COBLL1: variants seen among roughly 807,000 people sequenced by gnomAD.
The protein encoded by COBLL1 is cordon-bleu WH2 repeat protein like 1.
A neutral mutation model predicts 94.8 loss-of-function variants in COBLL1; 50 were observed. The observed-to-expected ratio is 0.53, with a 90% CI of 0.42 to 0.67. The LOEUF is 0.67. Among genes scored for constraint, COBLL1 ranks in the 30% least tolerant of loss-of-function variants. COBLL1 has a pLI of 0.00. For missense variants in COBLL1, 1,362 were observed against 1,348.7 expected (o/e 1.01, Z -0.15); for synonymous variants, 448 against 473.8 (o/e 0.95, Z 0.71).
intron 2 of COBLL1, among the ~76,000 whole-genome samples, chr2:164,755,182 T>A (rs1049250607): frequency 3.6e-4 from 55 of 152,088 alleles, no homozygotes; most frequent in African/African-American, 1.1e-3. Flanking sequence ...TATATGAAAA[T>A]TTTTTTAAAT....
At chr2:164,816,350 T>G (rs1374649663) in intron 2 of COBLL1, among the ~76,000 whole-genome samples, 1 of 151,980 alleles carries the variant, frequency 6.6e-6, no homozygotes, top group Non-Finnish European at 1.5e-5. Flanking sequence ...AAGGACAGTG[T>G]GAGAGATAAG....
chr2:164,789,008 A>C (rs187586313), intron 2 of COBLL1, among the ~76,000 whole-genome samples: 334 of 131,668 alleles, frequency 2.5e-3, no homozygotes, highest in Non-Finnish European at 5.0e-3. Flanking sequence ...TACCTGTAGG[A>C]GTAGAGGTTT....
At chr2:164,664,254 T>C (rs1691116851) in intron 2 of COBLL1, among the ~76,000 whole-genome samples, 1 of 152,232 alleles carries the variant, frequency 6.6e-6, no homozygotes, top group African/African-American at 2.4e-5. Flanking sequence ...CACTAACATG[T>C]CATCTATGAA....
At chr2:164,776,612 C>T (rs1417239606) in intron 2 of COBLL1, among the ~76,000 whole-genome samples, 2 of 151,896 alleles carry the variant, frequency 1.3e-5, no homozygotes, top group African/African-American at 2.4e-5. Context: ...CCCCGCCCAC[C>T]GCCAACCTGG....
At chr2:164,675,206 T>C (rs1691316975), downstream of COBLL1, among the ~76,000 whole-genome samples, 1 of 152,192 alleles carries the variant, frequency 6.6e-6, no homozygotes, top group Non-Finnish European at 1.5e-5. Context: ...ACAGATGGCA[T>C]TGACAGACTG....
chr2:164,706,269 T>G (rs1172164406), intron 7 of COBLL1, among the ~76,000 whole-genome samples: 7 of 152,110 alleles, frequency 4.6e-5, no homozygotes, highest in African/African-American at 1.4e-4. Context: ...AAATACATTA[T>G]TTTTCTTCCA....
intron 2 of COBLL1, among the ~76,000 whole-genome samples, chr2:164,840,357 C>T (rs1047959595): frequency 6.6e-6 from 1 of 152,108 alleles, no homozygotes. Context: ...ATCCAGGTTA[C>T]TCCTGAACTA....
At chr2:164,798,734 A>G (rs1327621884) in intron 2 of COBLL1, among the ~76,000 whole-genome samples, 3 of 152,164 alleles carry the variant, frequency 2.0e-5, no homozygotes, top group African/African-American at 4.8e-5. Context: ...AGAGGGGGTA[A>G]GCAGGCTGGG....
intron 5 of COBLL1, chr2:164,725,103 T>G (rs1211955729): frequency 3.7e-5 from 3 of 81,786 alleles, no homozygotes; most frequent in Non-Finnish European, 6.8e-5. Flanking sequence ...CCCTGCAGGA[T>G]ATATATATAT....
chr2:164,824,140 G>A lies in COBLL1; in HGVS notation c.41+17016C>T, dbSNP rs187219867. Among the ~76,000 whole-genome samples, 416 of 152,280 alleles carry A rather than the reference G, an allele frequency of 2.7e-3. 3 individuals carry two copies. Among genetic ancestry groups the A allele is most frequent in the African/African-American group, 9.6e-3 (397 of 41,562 alleles). On this transcript the variant is annotated intron_variant, in intron 2 of 13. Coordinates refer to ENST00000652658, the MANE Select transcript of COBLL1 (RefSeq NM_001365672.2). ...CTCATGCCTGTAATCCCAGCACTTTGGGAGGCCAAGGCTGGTGGATCACCT... is the reference window on the plus strand; with the variant it reads ...CTCATGCCTGTAATCCCAGCACTTTAGGAGGCCAAGGCTGGTGGATCACCT...
At chr2:164,793,327 A>C (rs1683285154) in intron 2 of COBLL1, among the ~76,000 whole-genome samples, 1 of 152,114 alleles carries the variant, frequency 6.6e-6, no homozygotes, top group African/African-American at 2.4e-5. Context: ...GCAAAAAAAA[A>C]AAACAAAAGT....
chr2:164,661,581 G>A (rs1691070890), intron 2 of COBLL1, among the ~76,000 whole-genome samples: 2 of 152,086 alleles, frequency 1.3e-5, no homozygotes, highest in South Asian at 4.1e-4. Context: ...ATGTTCCACT[G>A]TTGATTCATG....
intron 2 of COBLL1, among the ~76,000 whole-genome samples, chr2:164,771,614 A>C (rs1383366075): frequency 6.6e-6 from 1 of 152,034 alleles, no homozygotes; most frequent in Non-Finnish European, 1.5e-5. Context: ...AAAAACAAAA[A>C]TGGGTCAGTA....
chr2:164,805,361 A>ATATAT (rs1456462448), intron 2 of COBLL1, among the ~76,000 whole-genome samples: 4 of 119,562 alleles, frequency 3.3e-5, no homozygotes, highest in Admixed American at 2.9e-4. Flanking sequence ...ATATATATAT[A>ATATAT]TAAAACTAAA....
chr2:164,704,376 A>T, intron 9 of COBLL1, 68 bp downstream of exon 9: 2 of 896,696 alleles, frequency 2.2e-6, no homozygotes, highest in Non-Finnish European at 3.7e-6. Flanking sequence ...TCGCAAATGG[A>T]CTCATTTCTC....
intron 2 of COBLL1, among the ~76,000 whole-genome samples, chr2:164,786,420 A>G (rs1688958498): frequency 6.6e-6 from 1 of 152,166 alleles, no homozygotes; most frequent in African/African-American, 2.4e-5. Flanking sequence ...GAGCGTTGAC[A>G]TGGTCTTATG....
At chr2:164,677,110 T>G (rs1484470932), downstream of COBLL1, among the ~76,000 whole-genome samples, 1 of 152,180 alleles carries the variant, frequency 6.6e-6, no homozygotes, top group Non-Finnish European at 1.5e-5. Context: ...AGCAAACATA[T>G]GTACATCTAA....
At chr2:164,758,150 C>T (rs923808703) in intron 2 of COBLL1, among the ~76,000 whole-genome samples, 3 of 151,998 alleles carry the variant, frequency 2.0e-5, no homozygotes, top group Non-Finnish European at 4.4e-5. Flanking sequence ...CCACTGTGTA[C>T]TTAGTGCTAT....
At chr2:164,742,333 A>G (rs1686642979) in intron 3 of COBLL1, among the ~76,000 whole-genome samples, 1 of 152,160 alleles carries the variant, frequency 6.6e-6, no homozygotes, top group Non-Finnish European at 1.5e-5. Context: ...AAGAACTAGA[A>G]AAAAAGTTGA....
Sources: allele counts gnomAD v4.1 joint callset (sites outside exome capture counted in the v4.1 genomes callset), GRCh38; gene constraint gnomAD v4.1.1; transcripts MANE v1.5; gene names NCBI Gene and HGNC (gene_info 2026-07-23, HGNC 2026-07-21).